The following SPTBN2 variants were observed in gnomAD, a reference collection of about 807,000 sequenced individuals.
SPTBN2 encodes the protein spectrin beta, non-erythrocytic 2.
A neutral mutation model predicts 284.2 loss-of-function variants in SPTBN2; 107 were observed. The ratio of observed to expected loss-of-function variants is 0.38; its 90% CI spans 0.32 to 0.44. The LOEUF is 0.44. Among genes scored for constraint, SPTBN2 ranks in the 20% least tolerant of loss-of-function variants. The probability of loss-of-function intolerance (pLI) is 1.00; values close to 1 mark genes in which losing one functional copy is unlikely to be tolerated. For missense variants in SPTBN2, 2,569 were observed against 3,287.1 expected (o/e 0.78, Z 5.34); for synonymous variants, 1,289 against 1,354.8 (o/e 0.95, Z 1.07).
Position 66,707,489 on chromosome 11 carries a change from A to T in SPTBN2, c.1653+27T>A. On this transcript the variant is annotated intron_variant, in intron 13 of 37. Coordinates refer to ENST00000533211, the MANE Select transcript of SPTBN2 (RefSeq NM_006946.4). The surrounding 1 kb of genome is among the most constrained non-coding windows in gnomAD (Gnocchi z 4.9). ...GCCCCCTCGACTCTTGATCACTCTT[A>T]CCCCACCCAGCACGCCTCACTGGTA... 6.4e-7 allele frequency: 1 copy of T among 1,574,686 alleles called. No homozygotes were observed. The highest frequency in any genetic ancestry group is 8.6e-7 in the Non-Finnish European group (1 of 1,160,882).
rs887674142 is a variant in SPTBN2 at position 66,710,375 on chromosome 11, T to A, written c.1073+207A>T. 6.6e-6 allele frequency among the ~76,000 whole-genome samples: 1 copy of A among 151,496 alleles called. No homozygotes were observed. Among genetic ancestry groups the A allele is most frequent in the Middle Eastern group, 3.2e-3 (1 of 316 alleles). The stretch of plus-strand genomic sequence containing the variant: ...CTGGGATTACAGGCGTGAGCCACCA[T>A]GCCCGGCCCACAGCATGATTTTTAA... On this transcript the variant is annotated intron_variant, in intron 10 of 37. Coordinates refer to ENST00000533211, the MANE Select transcript of SPTBN2 (RefSeq NM_006946.4). The surrounding 1 kb of genome is among the most constrained non-coding windows in gnomAD (Gnocchi z 4.9).
At chr11:66,720,171 C>T (rs746913404) in intron 3 of SPTBN2, among the ~76,000 whole-genome samples, 3 of 152,182 alleles carry the variant, frequency 2.0e-5, no homozygotes, top group Non-Finnish European at 4.4e-5. Context: ...GGAACCTCCC[C>T]CTTGGAGTCT....
chr11:66,738,822 T>A (rs1486807948), intron 1 of SPTBN2, among the ~76,000 whole-genome samples: 1 of 147,616 alleles, frequency 6.8e-6, no homozygotes, highest in Non-Finnish European at 1.5e-5. Flanking sequence ...CCATTATTAT[T>A]ATTTTTTGAG....
In SPTBN2 at chr11:66,715,914, C is replaced by T. The variant is rs550221555; in HGVS notation, c.225G>A (p.Thr75=). 8.8e-5 allele frequency: 142 copies of T among 1,614,154 alleles called. No homozygotes were observed. In the South Asian group the frequency reaches 1.3e-3, roughly 15 times the overall value. ...KWVNSHLARV[T]CRVGDLYSDL... is the part of the protein sequence containing the mutation. Reference sequence around the variant, plus strand: ...CGCTGTACAGGTCCCCCACCCGGCACGTGACCCGGGCCAGGTGCGAGTTTA... The same window carrying T: ...CGCTGTACAGGTCCCCCACCCGGCATGTGACCCGGGCCAGGTGCGAGTTTA... Residue 75 remains threonine (T), a synonymous_variant, in exon 4 of 38, where the codon ACG becomes ACA. Coordinates refer to ENST00000533211, the MANE Select transcript of SPTBN2 (RefSeq NM_006946.4). This position sits in a 1 kb window ranked among gnomAD's most constrained non-coding sequence, Gnocchi z 5.3.
chr11:66,686,533 T>A (rs1205974779), intron 36 of SPTBN2, 93 bp from the exon 37 acceptor site: 1 of 1,397,054 alleles, frequency 7.2e-7, no homozygotes, highest in Non-Finnish European at 1.0e-6. Flanking sequence ...AACACCAGGC[T>A]GGGACATCTG....
chr11:66,743,129 G>C (rs1469373002), intron 1 of SPTBN2, among the ~76,000 whole-genome samples: 1 of 148,684 alleles, frequency 6.7e-6, no homozygotes, highest in Admixed American at 6.7e-5. Context: ...TGGGGATGGG[G>C]AGCTCTGCGG....
chr11:66,731,753 T>G (rs1337090101), upstream of SPTBN2, among the ~76,000 whole-genome samples: 1 of 152,244 alleles, frequency 6.6e-6, no homozygotes, highest in Non-Finnish European at 1.5e-5. Context: ...TTGCACTCAT[T>G]GGCTTCACTT....
Position 66,715,108 on chromosome 11 carries a change from A to T in SPTBN2, c.483+114T>A. 7.3e-7 allele frequency: 1 copy of T among 1,375,222 alleles called. No homozygotes were observed. Among genetic ancestry groups the T allele is most frequent in the South Asian group, 1.2e-5 (1 of 82,956 alleles). The allele number at this position is 1,375,222 out of a possible 1,614,324, so 85.2% of individuals were successfully genotyped here. On this transcript the variant is annotated intron_variant, in intron 5 of 37. Transcript: ENST00000533211. This position sits in a 1 kb window ranked among gnomAD's most constrained non-coding sequence, Gnocchi z 5.3. The stretch of plus-strand genomic sequence containing the variant: ...ATAGCGCCGCCATGGCAGCTGCTAC[A>T]TAAGGTTCTAGATCCTCCATCTTTG...
At chr11:66,686,680 CG>C in intron 36 of SPTBN2, 1 of 631,958 alleles carries the variant, frequency 1.6e-6, no homozygotes. Context: ...CCTCCTGCTC[CG>C]GCTGCTTGCT....
rs955318661 is a variant in SPTBN2, at chr11:66,728,852, C to T, written c.-225G>A. On this transcript the variant is annotated 5_prime_UTR_variant, in exon 1 of 38. Coordinates refer to ENST00000533211, the MANE Select transcript of SPTBN2 (RefSeq NM_006946.4). ...CGAGATCCAGCCTCCGTTCCCCTTT[C>T]CTCTCCGGGCACCTCCAGTCCGTCT... 6.6e-6 allele frequency: 1 copy of T among 152,166 alleles called. No individual in the cohort carries two copies. The highest frequency in any genetic ancestry group is 1.5e-5 in the Non-Finnish European group (1 of 68,026). The allele number at this position is 152,166 out of a possible 1,614,324, so 9.4% of individuals were successfully genotyped here. A position where few individuals can be genotyped will look rare whatever the true frequency, so the allele number is the denominator to read the frequency against.
chr11:66,713,568 C>A, intron 8 of SPTBN2, 63 bp downstream of exon 8: 1 of 1,354,546 alleles, frequency 7.4e-7, no homozygotes. Context: ...CAGCCCCTGG[C>A]AACCACTGGT....
At position 66,693,891 on chromosome 11, in the gene SPTBN2, C is replaced by T. The variant is rs1406744124; in HGVS notation, c.4504-30G>A. 1 of 1,604,930 alleles carries T rather than the reference C, an allele frequency of 6.2e-7. No individual in the cohort carries two copies. Among genetic ancestry groups the T allele is most frequent in the South Asian group, 1.1e-5 (1 of 90,372 alleles). ...AAGAGGAAGAGGGGGTCAGTGGAGGCCCAGAGGGCAAGGCAAGCAGCAGGG... is the reference window on the plus strand; with the variant it reads ...AAGAGGAAGAGGGGGTCAGTGGAGGTCCAGAGGGCAAGGCAAGCAGCAGGG... On this transcript the variant is annotated intron_variant, in intron 22 of 37. Coordinates refer to ENST00000533211, the MANE Select transcript of SPTBN2 (RefSeq NM_006946.4). This position sits in a 1 kb window ranked among gnomAD's most constrained non-coding sequence, Gnocchi z 5.7.
rs1941174641 is a variant in SPTBN2, at chr11:66,700,470, C to T, written c.3573+56G>A. 14 of 1,596,872 alleles carry T rather than the reference C, an allele frequency of 8.8e-6. No individual in the cohort carries two copies. Among genetic ancestry groups the T allele is most frequent in the Non-Finnish European group, 1.2e-5 (14 of 1,178,872 alleles). ...CTGCCCATCCTGCTCCTTCACATTT[C>T]CCCGGGTCCCTACTTTGCTCTTCCT... On this transcript the variant is annotated intron_variant, in intron 17 of 37. Transcript: ENST00000533211. The surrounding 1 kb of genome is among the most constrained non-coding windows in gnomAD (Gnocchi z 6.6).
chr11:66,705,488 G>A lies in SPTBN2; in HGVS notation c.1808-20C>T, dbSNP rs1941494340. 12 of 1,612,792 alleles carry A rather than the reference G, an allele frequency of 7.4e-6. No homozygotes were observed. Among genetic ancestry groups the A allele is most frequent in the Middle Eastern group, 1.7e-4 (1 of 6,054 alleles). On this transcript the variant is annotated intron_variant, in intron 14 of 37. Coordinates refer to ENST00000533211, the MANE Select transcript of SPTBN2 (RefSeq NM_006946.4). ...TATACTCTGAGAAAGTCACAGGAGAGGGTCAGAGCCTTAACCCAGCCCTCC... is the reference window on the plus strand; with the variant it reads ...TATACTCTGAGAAAGTCACAGGAGAAGGTCAGAGCCTTAACCCAGCCCTCC...
At chr11:66,686,307 G>A in intron 37 of SPTBN2, 91 bp downstream of exon 37, 1 of 1,563,592 alleles carries the variant, frequency 6.4e-7, no homozygotes, top group South Asian at 1.1e-5. Flanking sequence ...ACAAGACCAG[G>A]AAAAAGAGGG....
At chr11:66,738,364 G>A (rs1942870196) in intron 1 of SPTBN2, among the ~76,000 whole-genome samples, 1 of 152,178 alleles carries the variant, frequency 6.6e-6, no homozygotes. Context: ...AAAGAAAGAG[G>A]TAAAATGGGA....
At chr11:66,698,932 C>T (rs911215894) in intron 19 of SPTBN2, 60 bp downstream of exon 19, 1 of 1,607,816 alleles carries the variant, frequency 6.2e-7, no homozygotes, top group Non-Finnish European at 8.5e-7. Flanking sequence ...TGGACTTATT[C>T]TAGGCTCAAG....
Position 66,694,264 on chromosome 11 carries a change from C to T in SPTBN2, c.4378G>A (p.Glu1460Lys). ...AQEDQGAGEV[E>K]RTSRAVEEKF... is the part of the protein sequence containing the mutation. ...TCCTCCACGGCCCTCGAGGTTCTCT[C>T]CACCTCCCCTGCACCCTGGTCCTCC... Residue 1460 changes from glutamate to lysine, a missense_variant, in exon 22 of 38, where the codon GAG (glutamate) becomes AAG (lysine). This residue lies in a region of SPTBN2 where 1,130 missense variants were observed against 1,317.3 expected (regional missense o/e 0.86). Coordinates refer to ENST00000533211, the MANE Select transcript of SPTBN2 (RefSeq NM_006946.4). 1 of 1,614,220 alleles carries T rather than the reference C, an allele frequency of 6.2e-7. No homozygotes were observed.
intron 8 of SPTBN2, chr11:66,712,665 G>A (rs1200959900): frequency 6.6e-6 from 1 of 152,166 alleles, no homozygotes; most frequent in African/African-American, 2.4e-5. Context: ...TTCTGGGTGA[G>A]AGTGGAAGGT....
Sources: allele counts gnomAD v4.1 joint callset (sites outside exome capture counted in the v4.1 genomes callset), GRCh38; gene constraint gnomAD v4.1.1; regional missense constraint gnomAD v4.1.1; non-coding constraint Gnocchi (gnomAD v3.1); transcripts MANE v1.5; gene names NCBI Gene and HGNC (gene_info 2026-07-23, HGNC 2026-07-21).